Variants in PCDH15 observed in about 807,000 individuals in gnomAD.
The protein encoded by PCDH15 is protocadherin related 15, also known as protocadherin-15.
A neutral mutation model predicts 178.5 loss-of-function variants in PCDH15; 129 were observed. The observed-to-expected ratio is 0.72, with a 90% CI of 0.63 to 0.84. The LOEUF (loss-of-function observed/expected upper bound fraction) is 0.84, where lower values mean the gene tolerates loss of function less well. Among genes scored for constraint, PCDH15 ranks in the 40% least tolerant of loss-of-function variants. The pLI is 0.00. For synonymous variants in PCDH15, 800 were observed against 732.0 expected, an observed-to-expected ratio of 1.09 and a Z score of -1.50; for missense variants, 2,230 against 2,099.9, an observed-to-expected ratio of 1.06 and a Z score of -1.21.
At chr10:54,955,138 T>C (rs1838450143) in intron 2 of PCDH15, among the ~76,000 whole-genome samples, 3 of 151,248 alleles carry the variant, frequency 2.0e-5, no homozygotes, top group Admixed American at 2.0e-4. Context: ...AAAAAACAAA[T>C]CAAGCTGGCA....
intron 2 of PCDH15, among the ~76,000 whole-genome samples, chr10:55,447,329 TC>T (rs1169755600): frequency 4.6e-5 from 7 of 151,996 alleles, no homozygotes; most frequent in Non-Finnish European, 7.4e-5. Flanking sequence ...AACTGAGAAT[TC>T]TATATCCAGG....
intron 18 of PCDH15, among the ~76,000 whole-genome samples, chr10:54,058,482 C>T (rs745615795): frequency 6.6e-6 from 1 of 152,060 alleles, no homozygotes; most frequent in African/African-American, 2.4e-5. Context: ...TACTCACTAT[C>T]CCAAGAACAG....
At chr10:53,807,765 A>ATCTT (rs1841296704) in intron 37 of PCDH15, among the ~76,000 whole-genome samples, 1 of 152,176 alleles carries the variant, frequency 6.6e-6, no homozygotes, top group Non-Finnish European at 1.5e-5. Context: ...AAAAGGAAAT[A>ATCTT]TCTTCTCAGC....
intron 2 of PCDH15, among the ~76,000 whole-genome samples, chr10:55,449,281 C>T (rs564485338): frequency 6.6e-6 from 1 of 152,140 alleles, no homozygotes; most frequent in East Asian, 1.9e-4. Flanking sequence ...TATTACAGGA[C>T]TTTAGGATTC....
chr10:54,324,343 G>A (rs1051979358), intron 7 of PCDH15, among the ~76,000 whole-genome samples: 3 of 151,974 alleles, frequency 2.0e-5, no homozygotes, highest in Non-Finnish European at 4.4e-5. Flanking sequence ...ATAATTTTAG[G>A]AATTATATCT....
At chr10:54,332,739 A>C (rs1940101743) in intron 6 of PCDH15, among the ~76,000 whole-genome samples, 1 of 152,032 alleles carries the variant, frequency 6.6e-6, no homozygotes, top group East Asian at 1.9e-4. Flanking sequence ...TAGCTAAGCA[A>C]CTTAATGAAT....
chr10:54,700,328 T>A (rs922443300), intron 1 of PCDH15, among the ~76,000 whole-genome samples: 2 of 152,056 alleles, frequency 1.3e-5, no homozygotes, highest in Non-Finnish European at 2.9e-5. Context: ...CTCCAGATGA[T>A]CATGCTAGTT....
intron 3 of PCDH15, among the ~76,000 whole-genome samples, chr10:54,894,470 G>A (rs1191790937): frequency 1.3e-5 from 2 of 152,072 alleles, no homozygotes; most frequent in Non-Finnish European, 2.9e-5. Flanking sequence ...GCCAGACTTA[G>A]AAATAGAGGA....
chr10:54,417,847 G>C (rs746045313), intron 3 of PCDH15, among the ~76,000 whole-genome samples: 11 of 151,976 alleles, frequency 7.2e-5, no homozygotes, highest in African/African-American at 2.2e-4. Flanking sequence ...ATTTTACCTC[G>C]TGTTATTTTC....
intron 2 of PCDH15, among the ~76,000 whole-genome samples, chr10:55,471,759 C>T (rs1186176341): frequency 6.6e-6 from 1 of 152,184 alleles, no homozygotes; most frequent in African/African-American, 2.4e-5. Flanking sequence ...GGTCTCTTTG[C>T]CCACGCCCAC....
intron 1 of PCDH15, among the ~76,000 whole-genome samples, chr10:54,795,319 T>C (rs1263574918): frequency 6.6e-6 from 1 of 151,834 alleles, no homozygotes; most frequent in Non-Finnish European, 1.5e-5. Flanking sequence ...AATGACCAAG[T>C]CACCACCAGG....
intron 1 of PCDH15, among the ~76,000 whole-genome samples, chr10:54,709,497 ATTG>A (rs1458932008): frequency 2.7e-5 from 4 of 150,202 alleles, no homozygotes; most frequent in African/African-American, 9.7e-5. Context: ...ATCTACTTCC[ATTG>A]TTGTTGTGAG....
At chr10:55,394,497 G>A (rs1319106449) in intron 2 of PCDH15, among the ~76,000 whole-genome samples, 1 of 151,874 alleles carries the variant, frequency 6.6e-6, no homozygotes, top group African/African-American at 2.4e-5. Flanking sequence ...TTACAAGATA[G>A]AATTAAAGCG....
intron 2 of PCDH15, among the ~76,000 whole-genome samples, chr10:55,093,883 C>T (rs1842379326): frequency 6.6e-6 from 1 of 152,034 alleles, no homozygotes; most frequent in Non-Finnish European, 1.5e-5. Flanking sequence ...ATTAAAAAGT[C>T]AGGAAACAAC....
At chr10:54,574,569 T>C (rs2090242794) in intron 2 of PCDH15, among the ~76,000 whole-genome samples, 1 of 144,794 alleles carries the variant, frequency 6.9e-6, no homozygotes, top group Non-Finnish European at 1.5e-5. Context: ...TCACTGGCCA[T>C]CAGAGAAATG....
intron 13 of PCDH15, among the ~76,000 whole-genome samples, chr10:54,168,792 C>A (rs1440245397): frequency 6.6e-6 from 1 of 152,122 alleles, no homozygotes; most frequent in Non-Finnish European, 1.5e-5. Context: ...CATTTTATTA[C>A]CCAATCTGCT....
chr10:54,757,314 G>T lies in PCDH15; in HGVS notation c.-29+43611C>A, dbSNP rs1386191757. Among the ~76,000 whole-genome samples, 4 of 19,464 alleles carry T rather than the reference G, an allele frequency of 2.1e-4. 2 individuals carry two copies. The highest frequency in any genetic ancestry group is 1.3e-3 in the African/African-American group (4 of 3,126). The allele number at this position is 19,464 out of a possible 152,430, so 12.8% of individuals were successfully genotyped here. ...TTTTTTTTTTTTGAGACGGAGTTTCGCTCTGTCGCCCAGGCTGGAGCGCAG... is the reference window on the plus strand; with the variant it reads ...TTTTTTTTTTTTGAGACGGAGTTTCTCTCTGTCGCCCAGGCTGGAGCGCAG... On this transcript the variant is annotated intron_variant, in intron 1 of 37. Coordinates refer to ENST00000644397, the MANE Select transcript of PCDH15 (RefSeq NM_001384140.1).
chr10:54,665,487 CAA>C (rs1287481024), intron 1 of PCDH15, among the ~76,000 whole-genome samples: 3 of 152,038 alleles, frequency 2.0e-5, no homozygotes, highest in Admixed American at 6.6e-5. Flanking sequence ...TCAGAGGGTA[CAA>C]AGGCACGATT....
At chr10:55,185,494 G>A (rs1019829168) in intron 1 of PCDH15, among the ~76,000 whole-genome samples, 1 of 151,714 alleles carries the variant, frequency 6.6e-6, no homozygotes. Context: ...GTAAGTTTTA[G>A]TTATCAAGAA....
Sources: gnomAD v4.1 joint callset for allele counts (sites outside exome capture counted in the v4.1 genomes callset) on GRCh38, gnomAD v4.1.1 for gene constraint, MANE v1.5 for transcripts, NCBI Gene and HGNC (gene_info 2026-07-23, HGNC 2026-07-21) for gene names.